AP2A2: variants seen among roughly 807,000 people sequenced by gnomAD.
AP2A2 encodes the protein adaptor related protein complex 2 subunit alpha 2.
Under a neutral mutation model 104.2 loss-of-function variants are expected in AP2A2, and 32 were observed. The ratio of observed to expected loss-of-function variants is 0.31; its 90% CI spans 0.23 to 0.41. The LOEUF (loss-of-function observed/expected upper bound fraction) is 0.41. AP2A2 is among the 10% of genes least tolerant of loss of function. AP2A2 has a pLI of 1.00. For synonymous variants in AP2A2, 539 were observed against 533.3 expected (o/e 1.01, Z -0.15); for missense variants, 912 against 1,261.0 (o/e 0.72, Z 4.19).
At chr11:984,560 G>A (rs534116599) in intron 6 of AP2A2, 85 bp from the exon 7 acceptor site, 42 of 1,134,252 alleles carry the variant, frequency 3.7e-5, no homozygotes, top group Admixed American at 1.4e-4. Context: ...GGCGTGACCC[G>A]AGGAGTGAGT....
At chr11:928,622 A>C (rs1308951730) in intron 1 of AP2A2, among the ~76,000 whole-genome samples, 1 of 152,246 alleles carries the variant, frequency 6.6e-6, no homozygotes, top group Non-Finnish European at 1.5e-5. Flanking sequence ...ATAAGGAACA[A>C]TGTCTCCAGG....
At chr11:955,971 T>TTC (rs1357520966) in intron 1 of AP2A2, among the ~76,000 whole-genome samples, 9 of 152,154 alleles carry the variant, frequency 5.9e-5, no homozygotes. Flanking sequence ...GGCCTTTTAC[T>TTC]TCAGCTGGAG....
At chr11:972,036 C>A in intron 3 of AP2A2, 26 bp from the exon 4 acceptor site, 1 of 1,596,792 alleles carries the variant, frequency 6.3e-7, no homozygotes, top group South Asian at 1.1e-5. Flanking sequence ...CATGAGCTTT[C>A]TCTTCTCCTG....
At chr11:994,761 G>A (rs1240615745) in intron 14 of AP2A2, among the ~76,000 whole-genome samples, 2 of 143,118 alleles carry the variant, frequency 1.4e-5, no homozygotes, top group African/African-American at 2.7e-5. Context: ...GGCCTGTCCC[G>A]GGGGCCACTG....
intron 4 of AP2A2, among the ~76,000 whole-genome samples, chr11:974,459 G>A (rs909483177): frequency 6.6e-6 from 1 of 152,082 alleles, no homozygotes; most frequent in African/African-American, 2.4e-5. Flanking sequence ...CAAGGTGGGC[G>A]GGCCTGAGGT....
At chr11:961,910 T>A (rs1854453766) in intron 2 of AP2A2, among the ~76,000 whole-genome samples, 1 of 136,954 alleles carries the variant, frequency 7.3e-6, no homozygotes, top group Non-Finnish European at 1.6e-5. Flanking sequence ...GAGATGTGGG[T>A]CTGACAGAGT....
rs1855423561 is a variant in AP2A2, at chr11:985,556, C to T, written c.936C>T (p.Ala312=). 6.2e-7 allele frequency: 1 copy of T among 1,613,972 alleles called. No homozygotes were observed. The highest frequency in any genetic ancestry group is 1.3e-5 in the African/African-American group (1 of 75,048). The change falls in exon 8 of 22, where the codon GCC becomes GCT. Residue 312 remains alanine, a synonymous_variant. Transcript: ENST00000448903. ...CGAAGAATGCCGTGCTCTTCGAGGC[C>T]ATCAGCTTAATCATTCACCATGACA... is the stretch of plus-strand genomic sequence containing the variant. ...SNAKNAVLFE[A]ISLIIHHDSE...
chr11:998,339 A>ACCCCCCGCCCCCATTCTGC (rs1855924191), intron 14 of AP2A2, among the ~76,000 whole-genome samples: 1 of 59,358 alleles, frequency 1.7e-5, no homozygotes, highest in Non-Finnish European at 3.2e-5. Flanking sequence ...CCCCATTCTG[A>ACCCCCCGCCCCCATTCTGC]CCCCCCGCCC....
At position 1,010,837 on chromosome 11, in the gene AP2A2, C is replaced by T. The variant is rs900093436; in HGVS notation, c.*212C>T. ...AGCTCAGCCTGGACTGTGGCAGCCA[C>T]GGCAGAAGGTGGATCTTGGGATCAA... On this transcript the variant is annotated 3_prime_UTR_variant, in exon 22 of 22. Coordinates refer to ENST00000448903, the MANE Select transcript of AP2A2 (RefSeq NM_012305.4). The T allele has an allele frequency of 1.9e-5, 12 of 643,602 alleles. No individual in the cohort carries two copies. Among genetic ancestry groups the T allele is most frequent in the African/African-American group, 3.6e-5 (2 of 55,486 alleles). The allele number at this position is 643,602 out of a possible 1,614,324, so 39.9% of individuals were successfully genotyped here. A position where few individuals can be genotyped will look rare whatever the true frequency, so the allele number is the denominator to read the frequency against.
At chr11:1,008,368 C>T (rs564773166) in intron 18 of AP2A2, 247 of 560,166 alleles carry the variant, frequency 4.4e-4, no homozygotes, top group Middle Eastern at 4.8e-4. Context: ...CCACATGGGG[C>T]CTTGCTAGGA....
At chr11:938,333 G>A (rs1309912295) in intron 1 of AP2A2, among the ~76,000 whole-genome samples, 3 of 152,134 alleles carry the variant, frequency 2.0e-5, no homozygotes, top group Admixed American at 6.5e-5. Context: ...TGTTTATCCC[G>A]TTAACCCCTT....
At chr11:943,932 C>A (rs947189817) in intron 1 of AP2A2, among the ~76,000 whole-genome samples, 1 of 145,910 alleles carries the variant, frequency 6.9e-6, no homozygotes, top group Non-Finnish European at 1.5e-5. Flanking sequence ...AGAGTCCCGA[C>A]CGGAGACGCA....
chr11:984,559 C>T (rs909744701), intron 6 of AP2A2, 86 bp from the exon 7 acceptor site: 19 of 1,126,692 alleles, frequency 1.7e-5, no homozygotes, highest in Middle Eastern at 2.1e-4. Flanking sequence ...AGGCGTGACC[C>T]GAGGAGTGAG....
intron 1 of AP2A2, among the ~76,000 whole-genome samples, chr11:944,570 A>G (rs917442644): frequency 3.3e-5 from 5 of 152,194 alleles, no homozygotes; most frequent in Non-Finnish European, 7.3e-5. Flanking sequence ...ATTTGGTGAG[A>G]TGTTAGAAGA....
rs1476264340 is a variant in AP2A2, at chr11:992,119, G to T, written c.1270-384G>T. Among the ~76,000 whole-genome samples, 48 of 151,970 alleles carry T rather than the reference G, an allele frequency of 3.2e-4. 1 individual carries two copies. The highest frequency in any genetic ancestry group is 3.1e-3 in the Admixed American group (47 of 15,262). ...GCCCAGGGTGGCGCAGTCACTGGCC[G>T]CCGGGAGCCCAGGGTGGCGCAGTCA... is the stretch of plus-strand genomic sequence containing the variant. On this transcript the variant is annotated intron_variant, in intron 10 of 21. Coordinates refer to ENST00000448903, the MANE Select transcript of AP2A2 (RefSeq NM_012305.4). This position sits in a 1 kb window ranked among gnomAD's most constrained non-coding sequence, Gnocchi z 6.4.
At chr11:931,470 C>T (rs187192405) in intron 1 of AP2A2, among the ~76,000 whole-genome samples, 54 of 152,290 alleles carry the variant, frequency 3.5e-4, no homozygotes, top group Non-Finnish European at 6.8e-4. Flanking sequence ...GCAAAACAAT[C>T]AGGACTGCAA....
At chr11:944,648 T>G (rs1340463555) in intron 1 of AP2A2, among the ~76,000 whole-genome samples, 1 of 152,040 alleles carries the variant, frequency 6.6e-6, no homozygotes, top group Non-Finnish European at 1.5e-5. Flanking sequence ...AGGTGTTCAA[T>G]TTTAAGTAGA....
chr11:1,004,331 G>T (rs1192286255), intron 16 of AP2A2, among the ~76,000 whole-genome samples: 1 of 152,174 alleles, frequency 6.6e-6, no homozygotes, highest in Admixed American at 6.5e-5. Flanking sequence ...AAATTAGCTG[G>T]GTGTAGTGGT....
At chr11:987,547 C>T (rs1855503602) in intron 9 of AP2A2, among the ~76,000 whole-genome samples, 1 of 151,756 alleles carries the variant, frequency 6.6e-6, no homozygotes, top group Non-Finnish European at 1.5e-5. Context: ...CCCAGCTACT[C>T]AGGAGGCTCA....
Sources: allele counts gnomAD v4.1 joint callset (sites outside exome capture counted in the v4.1 genomes callset), GRCh38; gene constraint gnomAD v4.1.1; non-coding constraint Gnocchi (gnomAD v3.1); transcripts MANE v1.5; gene names NCBI Gene and HGNC (gene_info 2026-07-23, HGNC 2026-07-21).